Variants in PDE6B observed in about 807,000 individuals in gnomAD.
The protein encoded by PDE6B is phosphodiesterase 6B, also known as rod cGMP-specific 3',5'-cyclic phosphodiesterase subunit beta.
In PDE6B, 106 loss-of-function variants were observed where a neutral mutation model predicts 109.0. The observed-to-expected ratio is 0.97, with a 90% CI of 0.83 to 1.14. The LOEUF (loss-of-function observed/expected upper bound fraction) is 1.14, where lower values mean the gene tolerates loss of function less well. Ranked by LOEUF, PDE6B falls within the 50% of genes most tolerant of loss-of-function variation. The pLI, the probability that PDE6B is intolerant of heterozygous loss-of-function variation, is 0.00. For missense variants in PDE6B, 1,193 were observed against 1,155.6 expected, an observed-to-expected ratio of 1.03 and a Z score of -0.47; for synonymous variants, 490 against 471.3, an observed-to-expected ratio of 1.04 and a Z score of -0.51.
At chr4:632,572 G>C (rs1319792539) in intron 1 of PDE6B, among the ~76,000 whole-genome samples, 1 of 148,424 alleles carries the variant, frequency 6.7e-6, no homozygotes, top group African/African-American at 2.5e-5. Flanking sequence ...CACATGGTGG[G>C]GATCTGTGTG....
At chr4:668,068 G>A in intron 21 of PDE6B, 62 bp downstream of exon 21, 2 of 1,491,044 alleles carry the variant, frequency 1.3e-6, no homozygotes, top group Non-Finnish European at 1.8e-6. Flanking sequence ...AAAATGAAAA[G>A]ACAGGGCACA....
At chr4:667,501 G>A (rs1243564821) in intron 20 of PDE6B, among the ~76,000 whole-genome samples, 2 of 152,224 alleles carry the variant, frequency 1.3e-5, no homozygotes, top group Non-Finnish European at 2.9e-5. Flanking sequence ...GTGTGTGTGG[G>A]AGGGACGGGA....
intron 4 of PDE6B, 27 bp from the exon 5 acceptor site, chr4:654,053 C>T: frequency 6.2e-7 from 1 of 1,612,940 alleles, no homozygotes; most frequent in Non-Finnish European, 8.5e-7. Context: ...GCAGTGACCG[C>T]CCCACCCTCA....
chr4:666,889 C>T lies in PDE6B; in HGVS notation c.2352+275C>T, dbSNP rs1737862687. On this transcript the variant is annotated intron_variant, in intron 20 of 21. Coordinates refer to ENST00000496514, the MANE Select transcript of PDE6B (RefSeq NM_000283.4). The surrounding 1 kb of genome is among the most constrained non-coding windows in gnomAD (Gnocchi z 5.6). ...GCCCAGAATGTCCTCTGCTAGCCTC[C>T]AGGCCTACCCCAGAAGTTCTCCCTC... Among the ~76,000 whole-genome samples, 1 of 152,226 alleles carries T rather than the reference C, an allele frequency of 6.6e-6. No homozygotes were observed. The highest frequency in any genetic ancestry group is 1.5e-5 in the Non-Finnish European group (1 of 68,038).
chr4:635,303 G>GCCTC, intron 2 of PDE6B, among the ~76,000 whole-genome samples: 1 of 139,310 alleles, frequency 7.2e-6, no homozygotes, highest in Admixed American at 7.0e-5. Context: ...CTCCCTGCCC[G>GCCTC]CCTGCCCGCG....
At chr4:652,455 A>G (rs201587499) in intron 3 of PDE6B, 1 of 977,702 alleles carries the variant, frequency 1.0e-6, no homozygotes, top group Non-Finnish European at 1.2e-6. Context: ...CGTTGGTGAA[A>G]GGGTGCAAAG....
Position 626,226 on chromosome 4 carries a change from G to A in PDE6B, c.468+132G>A. 1.6e-6 allele frequency: 1 copy of A among 641,366 alleles called. No individual in the cohort carries two copies. The highest frequency in any genetic ancestry group is 2.7e-5 in the East Asian group (1 of 36,488). 39.7% of individuals were successfully genotyped at this position (641,366 alleles called of 1,614,324 possible). A position where few individuals can be genotyped will look rare whatever the true frequency, so the allele number is the denominator to read the frequency against. The stretch of plus-strand genomic sequence containing the variant: ...TCAGGGCACAGGCTAGTTCTGTGCT[G>A]AGGAGCAAGTACCTAGAGCCCCCTC... On this transcript the variant is annotated intron_variant, in intron 1 of 21. Transcript: ENST00000496514. This position sits in a 1 kb window ranked among gnomAD's most constrained non-coding sequence, Gnocchi z 4.6.
At position 658,971 on chromosome 4, in the gene PDE6B, G is replaced by T; in HGVS notation, c.1421G>T (p.Gly474Val). Residue 474 changes from glycine (G) to valine (V), a missense_variant, in exon 11 of 22, where the codon GGG becomes GTG. Gly to Val is a moderately radical substitution (Grantham distance 109). Transcript: ENST00000496514. The part of the protein sequence containing the change: ...QLILPTRARL[G>V]KEPADCDEDE... The stretch of plus-strand genomic sequence containing the variant: ...GTGTAGCCAACCAGAGCGCGCCTGG[G>T]GAAGGAGCCTGCTGACTGCGATGAG... The T allele has an allele frequency of 6.2e-7, 1 of 1,613,498 alleles. No homozygotes were observed. The highest frequency in any genetic ancestry group is 1.1e-5 in the South Asian group (1 of 91,084).
At chr4:627,647 T>C (rs1734177594) in intron 1 of PDE6B, among the ~76,000 whole-genome samples, 1 of 151,140 alleles carries the variant, frequency 6.6e-6, no homozygotes, top group Non-Finnish European at 1.5e-5. Flanking sequence ...CACCAGCTGC[T>C]CCTCCCTCCC....
At chr4:664,724 A>G (rs550575518) in intron 17 of PDE6B, among the ~76,000 whole-genome samples, 157 bp from the exon 18 acceptor site, 2 of 150,860 alleles carry the variant, frequency 1.3e-5, no homozygotes, top group African/African-American at 4.8e-5. Context: ...GCTGAGGCAC[A>G]AGAATCGGGA....
intron 3 of PDE6B, 24 bp from the exon 4 acceptor site, chr4:653,828 C>T (rs891580665): frequency 2.5e-6 from 4 of 1,612,714 alleles, no homozygotes; most frequent in African/African-American, 1.3e-5. Flanking sequence ...GGCCACAGGC[C>T]CACAGGTGTG....
intron 2 of PDE6B, 40 bp downstream of exon 2, chr4:634,869 CCCTG>C: frequency 1.0e-5 from 16 of 1,579,128 alleles, no homozygotes; most frequent in Middle Eastern, 3.5e-4. Flanking sequence ...GCGTCTGCCT[CCCTG>C]CCTGCCTGCC....
chr4:654,585 T>A, intron 5 of PDE6B: 1 of 624,304 alleles, frequency 1.6e-6, no homozygotes, highest in Non-Finnish European at 2.9e-6. Flanking sequence ...TTGGGGACGG[T>A]CTGCATGTGT....
chr4:628,484 C>T (rs563109195), intron 1 of PDE6B, among the ~76,000 whole-genome samples: 1 of 152,316 alleles, frequency 6.6e-6, no homozygotes, highest in Admixed American at 6.5e-5. Context: ...CCTTGTCTCC[C>T]TGTTTACATT....
intron 3 of PDE6B, among the ~76,000 whole-genome samples, chr4:644,921 GTGGAGGA>G (rs1314296867): frequency 1.3e-5 from 2 of 152,098 alleles, no homozygotes; most frequent in African/African-American, 4.8e-5. Flanking sequence ...TCCAACAGTA[GTGGAGGA>G]TGCGTCTCTC....
In PDE6B at chr4:628,054, C is replaced by T. The variant is rs369724228; in HGVS notation, c.468+1960C>T. On this transcript the variant is annotated intron_variant, in intron 1 of 21. Transcript: ENST00000496514. ...CTCCCCTGCCCAGTGTAGCTGGTGC[C>T]ATTCCAAGGGGCTGGGCATGGTGTC... Among the ~76,000 whole-genome samples the T allele has an allele frequency of 1.3e-3, 201 of 152,266 alleles. 1 individual carries two copies. The highest frequency in any genetic ancestry group is 3.3e-3 in the African/African-American group (136 of 41,554).
rs962271926 is a variant in PDE6B, at chr4:670,536, C to T, written c.*429C>T. 5 of 213,276 alleles carry T rather than the reference C, an allele frequency of 2.3e-5. No individual in the cohort carries two copies. Among genetic ancestry groups the T allele is most frequent in the Non-Finnish European group, 4.8e-5 (5 of 103,874 alleles). 13.2% of individuals were successfully genotyped at this position (213,276 alleles called of 1,614,324 possible). ...GGATTACAGGCATGAGCCACCACGC[C>T]CAGCCTGTTTTTATAAACTGAAGCC... On this transcript the variant is annotated 3_prime_UTR_variant, in exon 22 of 22. Coordinates refer to ENST00000496514, the MANE Select transcript of PDE6B (RefSeq NM_000283.4).
chr4:632,718 C>A (rs909586453), intron 1 of PDE6B, among the ~76,000 whole-genome samples: 13 of 133,292 alleles, frequency 9.8e-5, no homozygotes, highest in African/African-American at 1.4e-4. Context: ...TGTGTGGGTC[C>A]GTGTGGCACC....
intron 3 of PDE6B, among the ~76,000 whole-genome samples, chr4:644,773 G>T (rs559060595): frequency 6.6e-6 from 1 of 151,858 alleles, no homozygotes; most frequent in African/African-American, 2.4e-5. Context: ...CAGATGATCC[G>T]CCCACCTCGG....
Sources: gnomAD v4.1 joint callset for allele counts (sites outside exome capture counted in the v4.1 genomes callset) on GRCh38, gnomAD v4.1.1 for gene constraint, Gnocchi (gnomAD v3.1) non-coding constraint, MANE v1.5 for transcripts, NCBI Gene and HGNC (gene_info 2026-07-23, HGNC 2026-07-21) for gene names.